The following DTWD1 variants were observed in gnomAD, a reference collection of about 807,000 sequenced individuals.
DTWD1 encodes the protein DTW motif tRNA-uridine aminocarboxypropyltransferase 1.
DTWD1 carries 27 observed loss-of-function variants against 30.2 expected under a neutral mutation model. The observed-to-expected ratio is 0.90, with a 90% CI of 0.66 to 1.23. The LOEUF (loss-of-function observed/expected upper bound fraction) is 1.23, where lower values mean the gene tolerates loss of function less well. DTWD1 is among the 50% of genes most tolerant of loss of function. The pLI, the probability that DTWD1 is intolerant of heterozygous loss-of-function variation, is 0.00. For missense variants in DTWD1, 342 were observed against 348.8 expected (o/e 0.98, Z 0.15); for synonymous variants, 99 against 113.1 (o/e 0.88, Z 0.79).
chr15:49,639,858 T>C (rs2079045395), intron 4 of DTWD1, among the ~76,000 whole-genome samples: 1 of 152,170 alleles, frequency 6.6e-6, no homozygotes, highest in African/African-American at 2.4e-5. Flanking sequence ...ATGGAAAGAA[T>C]TGGGCTGGGA....
At chr15:49,635,530 TC>T (rs2078990027) in intron 4 of DTWD1, among the ~76,000 whole-genome samples, 1 of 152,120 alleles carries the variant, frequency 6.6e-6, no homozygotes, top group African/African-American at 2.4e-5. Flanking sequence ...GGAGTCTTGC[TC>T]TGTTACCCAG....
chr15:49,638,947 T>C (rs1159637072), intron 4 of DTWD1, among the ~76,000 whole-genome samples: 1 of 152,188 alleles, frequency 6.6e-6, no homozygotes, highest in East Asian at 1.9e-4. Context: ...ATTGTTTCTT[T>C]TTGTTGGATG....
At position 49,654,210 on chromosome 15, in the gene DTWD1, CTTAAA is replaced by C; in HGVS notation, c.*10633_*10637del. ...ATGGTTTAGATGATAAGATTCTGAACTTAAACTTATGCCATAATGGAGTGAGACTC... is the reference window on the plus strand; with the variant it reads ...ATGGTTTAGATGATAAGATTCTGAACCTTATGCCATAATGGAGTGAGACTC... On this transcript the variant is annotated 3_prime_UTR_variant, in exon 5 of 5. Coordinates refer to ENST00000403028, the MANE Select transcript of DTWD1 (RefSeq NM_001144955.2). 6.6e-6 allele frequency: 1 copy of C among 152,084 alleles called. No individual in the cohort carries two copies. Among genetic ancestry groups the C allele is most frequent in the Non-Finnish European group, 1.5e-5 (1 of 68,008 alleles). The allele number at this position is 152,084 out of a possible 1,614,324, so 9.4% of individuals were successfully genotyped here. A position where few individuals can be genotyped will look rare whatever the true frequency, so the allele number is the denominator to read the frequency against.
At chr15:49,638,751 C>T (rs956600514) in intron 4 of DTWD1, among the ~76,000 whole-genome samples, 12 of 152,102 alleles carry the variant, frequency 7.9e-5, no homozygotes, top group African/African-American at 2.9e-4. Flanking sequence ...CAATGTAAAA[C>T]CTTACTGTTT....
At chr15:49,624,160 A>G (rs1244717546) in intron 1 of DTWD1, among the ~76,000 whole-genome samples, 1 of 152,158 alleles carries the variant, frequency 6.6e-6, no homozygotes, top group African/African-American at 2.4e-5. Flanking sequence ...CTTTTTGTTC[A>G]CTTTCTGTTT....
chr15:49,632,057 GAGTTTATTGTGAGC>G, intron 2 of DTWD1, 88 bp from the exon 3 acceptor site: 1 of 1,012,322 alleles, frequency 9.9e-7, no homozygotes, highest in East Asian at 2.7e-5. Context: ...ATATTTATAG[GAGTTTATTGTGAGC>G]TTCCTATTTA....
chr15:49,634,986 G>T (rs1644170134), intron 4 of DTWD1, among the ~76,000 whole-genome samples, 192 bp downstream of exon 4: 1 of 152,056 alleles, frequency 6.6e-6, no homozygotes, highest in Non-Finnish European at 1.5e-5. Flanking sequence ...TTGATCAATT[G>T]AAAGTAAGTT....
At chr15:49,622,574 T>C (rs1401292575) in intron 1 of DTWD1, among the ~76,000 whole-genome samples, 1 of 152,242 alleles carries the variant, frequency 6.6e-6, no homozygotes, top group Non-Finnish European at 1.5e-5. Flanking sequence ...TTATGTTTTC[T>C]AAGTCTTTTT....
Position 49,634,542 on chromosome 15 carries a change from C to G in DTWD1, c.415C>G (p.Leu139Val), listed in dbSNP as rs763403124. 3.1e-6 allele frequency: 5 copies of G among 1,607,292 alleles called. No homozygotes were observed. In the East Asian group the frequency reaches 8.9e-5, roughly 29 times the overall value. The change falls in exon 4 of 5, where the codon CTC (leucine) becomes GTC (valine). Residue 139 changes from leucine to valine, a missense_variant. Physicochemically the swap from Leu to Val is conservative, Grantham distance 32. Coordinates refer to ENST00000403028, the MANE Select transcript of DTWD1 (RefSeq NM_001144955.2). The part of the protein sequence containing the change: ...EYEEKDHEVA[L>V]IFPGPQSISI... ...CCAATTTTCTTTGTTTTAGGTTGCA[C>G]TCATTTTTCCTGGACCTCAGTCTAT... is the stretch of plus-strand genomic sequence containing the variant.
At position 49,648,758 on chromosome 15, in the gene DTWD1, T is replaced by C. The variant is rs567893929; in HGVS notation, c.*5180T>C. 1 of 152,336 alleles carries C rather than the reference T, an allele frequency of 6.6e-6. No homozygotes were observed. The highest frequency in any genetic ancestry group is 2.1e-4 in the South Asian group (1 of 4,826). The allele number at this position is 152,336 out of a possible 1,614,324, so 9.4% of individuals were successfully genotyped here. On this transcript the variant is annotated 3_prime_UTR_variant, in exon 5 of 5. Transcript: ENST00000403028. The stretch of plus-strand genomic sequence containing the variant: ...TCACTGACCTGTGCTGTAATGTTTA[T>C]ACCAGCAATTAGCTGATTGATTTAC...
At position 49,647,785 on chromosome 15, in the gene DTWD1, A is replaced by G. The variant is rs937047846; in HGVS notation, c.*4207A>G. On this transcript the variant is annotated 3_prime_UTR_variant, in exon 5 of 5. Transcript: ENST00000403028. ...GGGAGAAAATCCAAAGGAAATAGAC[A>G]AACGGAGAATAATGGCAACAAAAAA... 1 of 152,244 alleles carries G rather than the reference A, an allele frequency of 6.6e-6. No homozygotes were observed. The highest frequency in any genetic ancestry group is 1.9e-4 in the East Asian group (1 of 5,176). The allele number at this position is 152,244 out of a possible 1,614,324, so 9.4% of individuals were successfully genotyped here.
At chr15:49,633,423 T>A (rs2078958782) in intron 3 of DTWD1, 1 of 152,938 alleles carries the variant, frequency 6.5e-6, no homozygotes, top group Non-Finnish European at 1.5e-5. Context: ...CAGCCTTAAA[T>A]TTCTGGGCCC....
At chr15:49,632,566 A>G (rs1185251870) in intron 3 of DTWD1, among the ~76,000 whole-genome samples, 1 of 152,026 alleles carries the variant, frequency 6.6e-6, no homozygotes. Context: ...TGCCAATACT[A>G]TTGTGCCTGC....
intron 3 of DTWD1, among the ~76,000 whole-genome samples, chr15:49,633,043 C>CTATATATATATA (rs368196512): frequency 8.5e-5 from 11 of 129,522 alleles, no homozygotes; most frequent in South Asian, 2.5e-4. Context: ...CTATTTATAT[C>CTATATATATATA]TATATCTATA....
intron 2 of DTWD1, chr15:49,629,997 C>G (rs961341745): frequency 4.6e-5 from 7 of 152,092 alleles, no homozygotes; most frequent in African/African-American, 1.7e-4. Flanking sequence ...AGTAGCTGCT[C>G]CATTCAAAAA....
chr15:49,629,987 A>T (rs1442784139), intron 2 of DTWD1: 2 of 152,210 alleles, frequency 1.3e-5, no homozygotes, highest in Non-Finnish European at 2.9e-5. Context: ...GAAATTATTT[A>T]GTAGCTGCTC....
rs2079164029 is a variant in DTWD1 at position 49,653,507 on chromosome 15, C to G, written c.*9929C>G. 1 of 152,074 alleles carries G rather than the reference C, an allele frequency of 6.6e-6. No individual in the cohort carries two copies. Among genetic ancestry groups the G allele is most frequent in the African/African-American group, 2.4e-5 (1 of 41,420 alleles). 9.4% of individuals were successfully genotyped at this position (152,074 alleles called of 1,614,324 possible). A position where few individuals can be genotyped will look rare whatever the true frequency, so the allele number is the denominator to read the frequency against. ...GAATAAATTGTGTTGCTTAAGCACA[C>G]TATAATACATGTGGCAAGAAGCTGC... On this transcript the variant is annotated 3_prime_UTR_variant, in exon 5 of 5. Transcript: ENST00000403028.
chr15:49,633,037 T>TTATATATATATATA (rs1555588540), intron 3 of DTWD1, among the ~76,000 whole-genome samples: 15 of 76,692 alleles, frequency 2.0e-4, no homozygotes, highest in Non-Finnish European at 5.2e-4. Flanking sequence ...ACTTTCCTAT[T>TTATATATATATATA]TATATCTATA....
chr15:49,655,159 C>G lies in DTWD1; in HGVS notation c.*11581C>G, dbSNP rs905976374. 6.6e-6 allele frequency: 1 copy of G among 152,080 alleles called. No homozygotes were observed. The highest frequency in any genetic ancestry group is 1.5e-5 in the Non-Finnish European group (1 of 68,016). 9.4% of individuals were successfully genotyped at this position (152,080 alleles called of 1,614,324 possible). ...GCACCAAGTCCTCAGACAAAGAGAACTTGAACCTTCTAACTCAGCTTAGCC... is the reference window on the plus strand; with the variant it reads ...GCACCAAGTCCTCAGACAAAGAGAAGTTGAACCTTCTAACTCAGCTTAGCC... On this transcript the variant is annotated 3_prime_UTR_variant, in exon 5 of 5. Coordinates refer to ENST00000403028, the MANE Select transcript of DTWD1 (RefSeq NM_001144955.2).
Sources: allele counts gnomAD v4.1 joint callset (sites outside exome capture counted in the v4.1 genomes callset), GRCh38; gene constraint gnomAD v4.1.1; transcripts MANE v1.5; gene names NCBI Gene and HGNC (gene_info 2026-07-23, HGNC 2026-07-21).